The following ZBED6 variants were observed in gnomAD, a reference collection of about 807,000 sequenced individuals.
ZBED6 encodes zinc finger BED domain-containing protein 6.
A neutral mutation model predicts 58.4 loss-of-function variants in ZBED6; 40 were observed. The observed-to-expected ratio is 0.68, with a 90% CI of 0.53 to 0.89. The LOEUF is 0.89. Ranked by LOEUF, ZBED6 falls within the 40% of genes least tolerant of loss-of-function variation. The pLI, the probability that ZBED6 is intolerant of heterozygous loss-of-function variation, is 0.00. For missense variants in ZBED6, 1,057 were observed against 1,003.9 expected (o/e 1.05, Z -0.71); for synonymous variants, 439 against 350.6 (o/e 1.25, Z -2.82).
intron 1 of ZBED6, among the ~76,000 whole-genome samples, chr1:203,804,833 C>A (rs182674363): frequency 6.6e-6 from 1 of 151,720 alleles, no homozygotes; most frequent in South Asian, 2.1e-4. Context: ...CCACCATGCC[C>A]GGCTGATTTT....
chr1:203,823,059 T>C (rs1350475858), intron 3 of ZBED6, among the ~76,000 whole-genome samples: 1 of 137,704 alleles, frequency 7.3e-6, no homozygotes, highest in East Asian at 2.2e-4. Flanking sequence ...TCTGCAACTT[T>C]TATATTTTAT....
intron 11 of ZBED6, among the ~76,000 whole-genome samples, chr1:203,845,786 C>T (rs554109700): frequency 1.4e-3 from 218 of 152,146 alleles, no homozygotes; most frequent in African/African-American, 5.0e-3. Context: ...ATCACTTGAA[C>T]CCAGGAGATG....
chr1:203,799,815 A>C, exon 1 of ZBED6: 1 of 1,412,270 alleles, frequency 7.1e-7, no homozygotes, highest in Non-Finnish European at 9.7e-7. Context: ...CAAGCCCTGT[A>C]TCTTGGCTAC....
rs374960783 is a variant in ZBED6 at position 203,848,361 on chromosome 1, G to A, written c.*4276G>A. 85 of 1,612,974 alleles carry A rather than the reference G, an allele frequency of 5.3e-5. No homozygotes were observed. The highest frequency in any genetic ancestry group is 6.9e-5 in the Non-Finnish European group (81 of 1,179,632). ...AAAGAAGAGAAGAACCTTCAGGAAGGAAATGAAGTTGATTCTCAGAGCAGT... is the reference window on the plus strand; with the variant it reads ...AAAGAAGAGAAGAACCTTCAGGAAGAAAATGAAGTTGATTCTCAGAGCAGT... On this transcript the variant is annotated 3_prime_UTR_variant, in exon 13 of 17. Transcript: ENST00000550078.
chr1:203,832,135 C>T (rs1160973108), intron 8 of ZBED6, among the ~76,000 whole-genome samples: 1 of 152,074 alleles, frequency 6.6e-6, no homozygotes, highest in Non-Finnish European at 1.5e-5. Context: ...CTCAGCTCAC[C>T]GCAGCCTCCG....
exon 1 of ZBED6, chr1:203,798,402 C>T (rs1220679722): frequency 3.3e-6 from 5 of 1,533,602 alleles, no homozygotes; most frequent in East Asian, 2.4e-5. Flanking sequence ...AAGTGTGAGC[C>T]GGGGTAGGCC....
exon 1 of ZBED6, chr1:203,798,965 C>A (rs910027183): frequency 1.3e-6 from 2 of 1,536,074 alleles, no homozygotes; most frequent in Non-Finnish European, 1.7e-6. Context: ...AAAAGATACA[C>A]CTGACTGTTG....
intron 10 of ZBED6, among the ~76,000 whole-genome samples, chr1:203,838,492 G>C (rs187287784): frequency 2.6e-5 from 4 of 152,238 alleles, no homozygotes; most frequent in Non-Finnish European, 2.9e-5. Flanking sequence ...CTCAGGCAGA[G>C]AGAATAACTC....
intron 11 of ZBED6, among the ~76,000 whole-genome samples, chr1:203,840,875 C>T (rs1001556637): frequency 6.6e-6 from 1 of 152,050 alleles, no homozygotes; most frequent in African/African-American, 2.4e-5. Context: ...CTTAGGTGAT[C>T]CACCTGCCTC....
intron 2 of ZBED6, among the ~76,000 whole-genome samples, chr1:203,818,038 C>T (rs12024191): frequency 0.049 from 7,411 of 152,138 alleles, 640 homozygotes; most frequent in East Asian, 0.4. Flanking sequence ...TGAGCCCCCA[C>T]GCCCGGTGAT....
At chr1:203,820,886 AT>A (rs1487569193) in intron 3 of ZBED6, among the ~76,000 whole-genome samples, 1 of 152,140 alleles carries the variant, frequency 6.6e-6, no homozygotes, top group Non-Finnish European at 1.5e-5. Flanking sequence ...AGATTGCTTC[AT>A]TATAAAGGCT....
At chr1:203,802,976 A>G (rs1307918888) in exon 1 of ZBED6, 1 of 152,642 alleles carries the variant, frequency 6.6e-6, no homozygotes. Context: ...ATTGGAACTC[A>G]GTGAAGACAC....
At chr1:203,847,151 G>T in intron 11 of ZBED6, 33 bp from the exon 12 acceptor site, 1 of 1,607,892 alleles carries the variant, frequency 6.2e-7, no homozygotes, top group Non-Finnish European at 8.5e-7. Flanking sequence ...TGAACTTCAA[G>T]TATAATGACA....
chr1:203,844,223 G>A (rs547637807), intron 11 of ZBED6, among the ~76,000 whole-genome samples: 18 of 151,660 alleles, frequency 1.2e-4, no homozygotes, highest in African/African-American at 4.1e-4. Flanking sequence ...GTGCAGTGGC[G>A]TGATCTCAGC....
Position 203,798,560 on chromosome 1 carries a change from C to T in ZBED6, c.1038C>T (p.Thr346=), listed in dbSNP as rs980677910. The T allele has an allele frequency of 3.9e-6, 6 of 1,535,988 alleles. No homozygotes were observed. In the African/African-American group the frequency reaches 6.8e-5, roughly 18 times the overall value. ...AGAGAAGTGATCTCTTGAGTGATACCTTGCATGGAGAAAAGTCTACAGGCA... is the reference window on the plus strand; with the variant it reads ...AGAGAAGTGATCTCTTGAGTGATACTTTGCATGGAGAAAAGTCTACAGGCA... The change falls in exon 1 of 17, where the codon ACC becomes ACT. Residue 346 remains threonine, a synonymous_variant. Coordinates refer to ENST00000550078, the Ensembl canonical transcript of ZBED6.
At chr1:203,850,218 T>C (rs1688937595) in intron 14 of ZBED6, 192 bp downstream of exon 14, 1 of 673,324 alleles carries the variant, frequency 1.5e-6, no homozygotes, top group South Asian at 2.0e-5. Context: ...AATTTAAAAT[T>C]GCTATTTAAA....
In ZBED6 at chr1:203,798,089, G is replaced by A. The variant is rs550393612; in HGVS notation, c.567G>A (p.Lys189=). Residue 189 remains lysine, a synonymous_variant, in exon 1 of 17, where the codon AAG becomes AAA. Transcript: ENST00000550078. ...CACCTCATTGGACCAGGGCCAACAA[G>A]TTTGGAGTTGCTAGTGGAGAGGAGG... 1.4e-5 allele frequency: 21 copies of A among 1,536,148 alleles called. No homozygotes were observed. In the African/African-American group the frequency reaches 2.1e-4, roughly 15 times the overall value.
intron 3 of ZBED6, among the ~76,000 whole-genome samples, chr1:203,819,529 AT>A (rs755259647): frequency 0.66 from 47,767 of 72,648 alleles, 14,569 homozygotes; most frequent in Middle Eastern, 0.76. Context: ...GCTGACTCCA[AT>A]TTTTTTTTTT....
chr1:203,802,716 T>C lies in ZBED6; in HGVS notation c.*2254T>C, dbSNP rs1178981630. ...TCAAGTTCATCTTTAAATGAACTCT[T>C]TTTTTTTGTTTTTTTTTTGTTTTGT... On this transcript the variant is annotated 3_prime_UTR_variant, in exon 1 of 17. Coordinates refer to ENST00000550078, the Ensembl canonical transcript of ZBED6. The C allele has an allele frequency of 2.9e-5, 4 of 136,816 alleles. No homozygotes were observed. The East Asian group carries it at 7.2e-4, about 25-fold the overall frequency. 8.5% of individuals were successfully genotyped at this position (136,816 alleles called of 1,614,324 possible).
Sources: allele counts gnomAD v4.1 joint callset (sites outside exome capture counted in the v4.1 genomes callset), GRCh38; gene constraint gnomAD v4.1.1; transcripts MANE v1.5; gene names NCBI Gene and HGNC (gene_info 2026-07-23, HGNC 2026-07-21).